Variants in SLC30A6 observed in about 807,000 individuals in gnomAD.
SLC30A6 encodes solute carrier family 30 member 6.
In SLC30A6, 55 loss-of-function variants were observed where a neutral mutation model predicts 63.0. The ratio of observed to expected loss-of-function variants is 0.87; its 90% CI spans 0.70 to 1.09. The LOEUF (loss-of-function observed/expected upper bound fraction) is 1.09. Ranked by LOEUF, SLC30A6 falls within the 50% of genes least tolerant of loss-of-function variation. SLC30A6 has a pLI of 0.00. For missense variants in SLC30A6, 587 were observed against 549.2 expected (o/e 1.07, Z -0.69); for synonymous variants, 224 against 186.1 (o/e 1.20, Z -1.66).
chr2:32,214,204 G>A (rs1685511816), intron 13 of SLC30A6, among the ~76,000 whole-genome samples: 1 of 151,986 alleles, frequency 6.6e-6, no homozygotes, highest in Non-Finnish European at 1.5e-5. Flanking sequence ...CAAAGTGCTG[G>A]GATTATAGGA....
At chr2:32,169,343 C>G (rs188225583) in intron 1 of SLC30A6, among the ~76,000 whole-genome samples, 1 of 151,998 alleles carries the variant, frequency 6.6e-6, no homozygotes, top group African/African-American at 2.4e-5. Flanking sequence ...TAATTTTTTT[C>G]TTTTCAATTT....
intron 4 of SLC30A6, among the ~76,000 whole-genome samples, chr2:32,179,719 TA>T (rs1380993020): frequency 6.6e-6 from 1 of 152,034 alleles, no homozygotes; most frequent in Non-Finnish European, 1.5e-5. Context: ...CAATTTGTAT[TA>T]AAAAGGGGGA....
intron 4 of SLC30A6, among the ~76,000 whole-genome samples, chr2:32,176,290 G>C (rs1320619432): frequency 6.6e-6 from 1 of 152,102 alleles, no homozygotes; most frequent in Admixed American, 6.6e-5. Flanking sequence ...TGTCACGTTG[G>C]GAAAGCTTAA....
In SLC30A6 at chr2:32,175,381, T is replaced by A. The variant is rs777448163; in HGVS notation, c.218+20T>A. On this transcript the variant is annotated intron_variant, in intron 4 of 13. Coordinates refer to ENST00000282587, the MANE Select transcript of SLC30A6 (RefSeq NM_017964.5). ...TTTTAGGTAAGTTTTTAGGAAATCTTAATGTTTTGGAGCTAATAAGGAACT... is the reference window on the plus strand; with the variant it reads ...TTTTAGGTAAGTTTTTAGGAAATCTAAATGTTTTGGAGCTAATAAGGAACT... 6.2e-7 allele frequency: 1 copy of A among 1,607,076 alleles called. No individual in the cohort carries two copies. Among genetic ancestry groups the A allele is most frequent in the Non-Finnish European group, 8.5e-7 (1 of 1,176,746 alleles).
At chr2:32,171,632 T>G (rs142860198) in intron 2 of SLC30A6, among the ~76,000 whole-genome samples, 7 of 152,218 alleles carry the variant, frequency 4.6e-5, no homozygotes, top group African/African-American at 1.4e-4. Flanking sequence ...GTGGTTGCTT[T>G]TTGTTATTAA....
At chr2:32,213,008 T>G (rs1558425553) in intron 13 of SLC30A6, among the ~76,000 whole-genome samples, 1 of 149,934 alleles carries the variant, frequency 6.7e-6, no homozygotes, top group East Asian at 2.0e-4. Flanking sequence ...TGGGCTCAGA[T>G]GATCCTCCTA....
chr2:32,195,658 A>G (rs1045814837), intron 8 of SLC30A6, among the ~76,000 whole-genome samples: 11 of 150,248 alleles, frequency 7.3e-5, no homozygotes, highest in Admixed American at 6.7e-5. Flanking sequence ...ATTTATTTCC[A>G]GAAAAGTTAT....
chr2:32,221,788 T>G lies in SLC30A6; in HGVS notation c.*1075T>G, dbSNP rs1160364654. 1 of 152,196 alleles carries G rather than the reference T, an allele frequency of 6.6e-6. No homozygotes were observed. The highest frequency in any genetic ancestry group is 2.4e-5 in the African/African-American group (1 of 41,460). The allele number at this position is 152,196 out of a possible 1,614,324, so 9.4% of individuals were successfully genotyped here. On this transcript the variant is annotated 3_prime_UTR_variant, in exon 14 of 14. Transcript: ENST00000282587. The stretch of plus-strand genomic sequence containing the variant: ...ATTTTGATTAAGTGACTACCCAACT[T>G]TTGGTGATATGCAGTGAAAGAATCC...
chr2:32,202,181 C>A, intron 10 of SLC30A6: 1 of 786,458 alleles, frequency 1.3e-6, no homozygotes, highest in South Asian at 1.6e-5. Context: ...TGAGGGGTAA[C>A]ATCTCTCTTT....
At chr2:32,186,333 G>T (rs1213296199) in intron 5 of SLC30A6, among the ~76,000 whole-genome samples, 1 of 152,228 alleles carries the variant, frequency 6.6e-6, no homozygotes, top group Non-Finnish European at 1.5e-5. Flanking sequence ...ATGATAATCA[G>T]TTGTAAGGTA....
At chr2:32,181,495 C>T (rs1188630747) in intron 4 of SLC30A6, among the ~76,000 whole-genome samples, 1 of 152,088 alleles carries the variant, frequency 6.6e-6, no homozygotes, top group Non-Finnish European at 1.5e-5. Flanking sequence ...TATTTAGACA[C>T]TGAATTTTTC....
intron 8 of SLC30A6, among the ~76,000 whole-genome samples, chr2:32,195,099 CT>C (rs11453810): frequency 7.9e-4 from 99 of 125,722 alleles, no homozygotes; most frequent in African/African-American, 1.6e-3. Flanking sequence ...TTATGCCTGG[CT>C]TTTTTTTTTT....
chr2:32,185,333 T>G (rs1433307212), intron 5 of SLC30A6, among the ~76,000 whole-genome samples: 1 of 149,426 alleles, frequency 6.7e-6, no homozygotes, highest in African/African-American at 2.5e-5. Context: ...GCATTACAGA[T>G]GGCAAGAGTA....
In SLC30A6 at chr2:32,220,797, A is replaced by T; in HGVS notation, c.*84A>T. ...AATCCAACTTTGCATTGACTGTTTA[A>T]TCATTTACTCTAAATGTTAGATAAT... On this transcript the variant is annotated 3_prime_UTR_variant, in exon 14 of 14. Coordinates refer to ENST00000282587, the MANE Select transcript of SLC30A6 (RefSeq NM_017964.5). The T allele has an allele frequency of 8.3e-7, 1 of 1,206,468 alleles. No homozygotes were observed. Among genetic ancestry groups the T allele is most frequent in the Non-Finnish European group, 1.2e-6 (1 of 861,088 alleles). 74.7% of individuals were successfully genotyped at this position (1,206,468 alleles called of 1,614,324 possible). A position where few individuals can be genotyped will look rare whatever the true frequency, so the allele number is the denominator to read the frequency against.
At chr2:32,198,368 C>T (rs1209009751) in intron 10 of SLC30A6, among the ~76,000 whole-genome samples, 1 of 151,980 alleles carries the variant, frequency 6.6e-6, no homozygotes, top group Non-Finnish European at 1.5e-5. Flanking sequence ...TGTGGGATTC[C>T]TAGATTTTTA....
chr2:32,191,653 A>G (rs1177121555), intron 5 of SLC30A6, among the ~76,000 whole-genome samples: 1 of 152,232 alleles, frequency 6.6e-6, no homozygotes, highest in Non-Finnish European at 1.5e-5. Flanking sequence ...TTTGAGTTTG[A>G]AAACCTTCTA....
Position 32,171,342 on chromosome 2 carries a change from G to A in SLC30A6, c.59G>A (p.Arg20Gln), listed in dbSNP as rs145648952. The A allele has an allele frequency of 1.2e-4, 192 of 1,613,594 alleles. No homozygotes were observed. Among genetic ancestry groups the A allele is most frequent in the Middle Eastern group, 3.3e-4 (2 of 6,054 alleles). ...AGATCCTTTTTTGGCAAGTTGTTACGGGAATTTAGACTTGTAGCAGCTGAC... is the reference window on the plus strand; with the variant it reads ...AGATCCTTTTTTGGCAAGTTGTTACAGGAATTTAGACTTGTAGCAGCTGAC... The part of the protein sequence containing the change: ...PQRSFFGKLL[R>Q]EFRLVAADRR... Residue 20 changes from arginine (R) to glutamine (Q), a missense_variant, in exon 2 of 14, where the codon CGG (arginine) becomes CAG (glutamine). By Grantham distance (43) the Arg-to-Gln change is conservative (BLOSUM62 1). Transcript: ENST00000282587.
intron 11 of SLC30A6, 24 bp downstream of exon 11, chr2:32,204,716 G>T (rs779645563): frequency 5.5e-6 from 8 of 1,449,364 alleles, no homozygotes; most frequent in Non-Finnish European, 7.7e-6. Context: ...TCCAATGCAC[G>T]TGCTTAATAT....
Position 32,207,062 on chromosome 2 carries a change from A to G in SLC30A6, c.816+129A>G, listed in dbSNP as rs865870375. ...GGAAGTTCATGTTCTTCACAATAAC[A>G]TACTAGGAGCCATAATATAGTGGCA... is the stretch of plus-strand genomic sequence containing the variant. On this transcript the variant is annotated intron_variant, in intron 12 of 13. Coordinates refer to ENST00000282587, the MANE Select transcript of SLC30A6 (RefSeq NM_017964.5). 1.1e-4 allele frequency: 76 copies of G among 703,470 alleles called. No individual in the cohort carries two copies. In the Middle Eastern group the frequency reaches 3.2e-3, roughly 29 times the overall value. The allele number at this position is 703,470 out of a possible 1,614,324, so 43.6% of individuals were successfully genotyped here. A position where few individuals can be genotyped will look rare whatever the true frequency, so the allele number is the denominator to read the frequency against.
Sources: allele counts gnomAD v4.1 joint callset (sites outside exome capture counted in the v4.1 genomes callset), GRCh38; gene constraint gnomAD v4.1.1; transcripts MANE v1.5; gene names NCBI Gene and HGNC (gene_info 2026-07-23, HGNC 2026-07-21).